The following CLVS1 variants were observed in gnomAD, a reference collection of about 807,000 sequenced individuals.
The protein encoded by CLVS1 is clavesin 1.
CLVS1 carries 10 observed loss-of-function variants against 33.1 expected under a neutral mutation model. That is an observed-to-expected ratio of 0.30 (90% CI 0.19 to 0.51). The LOEUF (loss-of-function observed/expected upper bound fraction) is 0.51. Among genes scored for constraint, CLVS1 ranks in the 20% least tolerant of loss-of-function variants. CLVS1 has a pLI of 0.97. For missense variants in CLVS1, 343 were observed against 433.4 expected (o/e 0.79, Z 1.85); for synonymous variants, 163 against 166.1 (o/e 0.98, Z 0.14).
the CLVS1 span, among the ~76,000 whole-genome samples, chr8:61,008,686 A>T: frequency 6.6e-6 from 1 of 152,174 alleles, no homozygotes; most frequent in Admixed American, 6.5e-5. Flanking sequence ...TCTTCAAGGA[A>T]GAAACAGAGA....
At chr8:61,452,466 A>G (rs773543660) in intron 3 of CLVS1, among the ~76,000 whole-genome samples, 2 of 152,202 alleles carry the variant, frequency 1.3e-5, no homozygotes, top group African/African-American at 4.8e-5. Context: ...ACTTCTAAAT[A>G]AGAAGTTAAA....
At chr8:61,391,984 T>C (rs547376733) in intron 3 of CLVS1, among the ~76,000 whole-genome samples, 1 of 152,330 alleles carries the variant, frequency 6.6e-6, no homozygotes, top group South Asian at 2.1e-4. Flanking sequence ...CAAAGTTCAA[T>C]TTCTTGATTG....
chr8:61,347,209 T>A (rs990436584), intron 2 of CLVS1, among the ~76,000 whole-genome samples: 1 of 152,126 alleles, frequency 6.6e-6, no homozygotes, highest in African/African-American at 2.4e-5. Flanking sequence ...CCAAGGAGCA[T>A]CTCAGCAGTT....
At chr8:61,450,052 C>G (rs186078750) in intron 3 of CLVS1, among the ~76,000 whole-genome samples, 103 of 152,318 alleles carry the variant, frequency 6.8e-4, no homozygotes, top group Non-Finnish European at 1.2e-3. Flanking sequence ...TGAGACCCCT[C>G]AAGAGGACAC....
At position 61,081,123 on chromosome 8, in the gene CLVS1, T is replaced by C. The variant is rs181698314; in HGVS notation, c.-243+23893T>C. ...AATGTTGTATTTAATTTGGAAAGAATTGGGAAGACACTGAAGGTTTCTGAG... is the reference window on the plus strand; with the variant it reads ...AATGTTGTATTTAATTTGGAAAGAACTGGGAAGACACTGAAGGTTTCTGAG... On this transcript the variant is annotated intron_variant, in intron 1 of 2. Coordinates refer to the CLVS1 transcript ENST00000522621. Among the ~76,000 whole-genome samples the C allele has an allele frequency of 4.5e-3, 688 of 152,210 alleles. 8 individuals carry two copies. The highest frequency in any genetic ancestry group is 0.015 in the African/African-American group (640 of 41,538).
chr8:60,975,286 T>C, the CLVS1 span, among the ~76,000 whole-genome samples: 2 of 152,210 alleles, frequency 1.3e-5, no homozygotes, highest in Admixed American at 6.5e-5. Flanking sequence ...TGTTGCCTAC[T>C]TCATGGCACT....
chr8:61,306,552 G>C (rs1000954155), intron 2 of CLVS1, among the ~76,000 whole-genome samples: 2 of 152,166 alleles, frequency 1.3e-5, no homozygotes, highest in Non-Finnish European at 2.9e-5. Context: ...TTCATCTGAT[G>C]ATGAGCACTC....
chr8:61,312,202 C>T (rs930599189), intron 2 of CLVS1, among the ~76,000 whole-genome samples: 4 of 152,176 alleles, frequency 2.6e-5, no homozygotes, highest in African/African-American at 9.7e-5. Flanking sequence ...AATTCCTGTG[C>T]CCAGAGCCTC....
intron 1 of CLVS1, among the ~76,000 whole-genome samples, chr8:61,087,807 G>A (rs1397844412): frequency 6.6e-6 from 1 of 152,152 alleles, no homozygotes; most frequent in African/African-American, 2.4e-5. Flanking sequence ...TATCTTGAAT[G>A]CTGGGTACAC....
At chr8:61,480,027 G>T (rs936497068) in intron 5 of CLVS1, among the ~76,000 whole-genome samples, 9 of 152,272 alleles carry the variant, frequency 5.9e-5, no homozygotes, top group Admixed American at 5.9e-4. Flanking sequence ...CTACTCAGGG[G>T]TCAGGGACCC....
At chr8:61,295,227 T>G (rs1810152692) in intron 1 of CLVS1, among the ~76,000 whole-genome samples, 1 of 152,190 alleles carries the variant, frequency 6.6e-6, no homozygotes. Context: ...CTCTGAGGCT[T>G]ACATGAATCT....
At chr8:61,493,271 CT>C (rs1586056473) in intron 5 of CLVS1, among the ~76,000 whole-genome samples, 1 of 152,088 alleles carries the variant, frequency 6.6e-6, no homozygotes, top group African/African-American at 2.4e-5. Flanking sequence ...TCTTGTAAGT[CT>C]TTTAGTGGTG....
the CLVS1 span, among the ~76,000 whole-genome samples, chr8:61,011,785 AC>A: frequency 6.6e-6 from 1 of 152,192 alleles, no homozygotes; most frequent in Non-Finnish European, 1.5e-5. Flanking sequence ...GAGTGTGGTG[AC>A]CAATTTCGGT....
At chr8:61,388,871 C>T (rs1297413948) in intron 3 of CLVS1, among the ~76,000 whole-genome samples, 2 of 152,128 alleles carry the variant, frequency 1.3e-5, no homozygotes. Flanking sequence ...CTTATTCCCC[C>T]TATCTGGCAA....
intron 1 of CLVS1, among the ~76,000 whole-genome samples, chr8:61,073,735 G>A (rs1020774718): frequency 3.3e-5 from 5 of 151,916 alleles, no homozygotes; most frequent in Admixed American, 1.3e-4. Context: ...ACTAAAGGCC[G>A]GGCGCAGTGG....
At chr8:61,139,394 G>T (rs762823443) in intron 2 of CLVS1, among the ~76,000 whole-genome samples, 6 of 152,228 alleles carry the variant, frequency 3.9e-5, no homozygotes, top group Non-Finnish European at 7.3e-5. Flanking sequence ...AATTCTGTTC[G>T]GCAGAATGAA....
intron 2 of CLVS1, among the ~76,000 whole-genome samples, chr8:61,256,828 A>G (rs1471859522): frequency 6.6e-6 from 1 of 152,188 alleles, no homozygotes; most frequent in African/African-American, 2.4e-5. Flanking sequence ...AACCAAATAA[A>G]TCACTAGAGC....
At chr8:61,405,185 T>TA (rs371338848) in intron 3 of CLVS1, among the ~76,000 whole-genome samples, 1 of 152,338 alleles carries the variant, frequency 6.6e-6, no homozygotes, top group African/African-American at 2.4e-5. Context: ...CTCTGATTGA[T>TA]AGAGTCGTAT....
At chr8:61,263,514 A>T (rs1178890500) in intron 2 of CLVS1, among the ~76,000 whole-genome samples, 1 of 152,172 alleles carries the variant, frequency 6.6e-6, no homozygotes, top group East Asian at 1.9e-4. Context: ...GTCGGCTCTT[A>T]TTTATAATCC....
Sources: gnomAD v4.1 joint callset for allele counts (sites outside exome capture counted in the v4.1 genomes callset) on GRCh38, gnomAD v4.1.1 for gene constraint, MANE v1.5 for transcripts, NCBI Gene and HGNC (gene_info 2026-07-23, HGNC 2026-07-21) for gene names.